ZFHX3: variants seen among roughly 807,000 people sequenced by gnomAD.
The protein encoded by ZFHX3 is zinc finger homeobox 3.
ZFHX3 carries 42 observed loss-of-function variants against 279.1 expected under a neutral mutation model. The observed-to-expected ratio is 0.15, with a 90% CI of 0.12 to 0.19. ZFHX3 has a LOEUF of 0.19. ZFHX3 is among the 10% of genes least tolerant of loss of function. The pLI is 1.00. For missense variants in ZFHX3, 4,981 were observed against 4,754.0 expected, an observed-to-expected ratio of 1.05 and a Z score of -1.40; for synonymous variants, 2,293 against 1,957.8, an observed-to-expected ratio of 1.17 and a Z score of -4.52.
At chr16:73,032,697 A>AT (rs1964750383) in intron 1 of ZFHX3, among the ~76,000 whole-genome samples, 1 of 151,618 alleles carries the variant, frequency 6.6e-6, no homozygotes, top group South Asian at 2.1e-4. Context: ...AAAAAAAAAA[A>AT]GTAGAGACAT....
At chr16:73,499,698 A>G (rs183139003) in intron 2 of ZFHX3, 13 of 152,340 alleles carry the variant, frequency 8.5e-5, no homozygotes, top group Admixed American at 2.0e-4. Context: ...ATATGTAAAC[A>G]GGAAAAATAT....
intron 1 of ZFHX3, among the ~76,000 whole-genome samples, chr16:73,758,235 T>A (rs1316658005): frequency 4.0e-5 from 1 of 24,748 alleles, no homozygotes; most frequent in Non-Finnish European, 1.7e-4. Flanking sequence ...TTACTAGAAA[T>A]TCATTCATTC....
intron 2 of ZFHX3, among the ~76,000 whole-genome samples, chr16:73,507,263 C>T (rs2019342848): frequency 6.6e-6 from 1 of 152,118 alleles, no homozygotes; most frequent in Non-Finnish European, 1.5e-5. Flanking sequence ...TAATATAGAA[C>T]ATCCGGAATA....
intron 5 of ZFHX3, among the ~76,000 whole-genome samples, chr16:72,821,457 C>T (rs529898038): frequency 6.6e-6 from 1 of 152,226 alleles, no homozygotes; most frequent in African/African-American, 2.4e-5. Context: ...ATTCAGCTCA[C>T]TCACAGCGCT....
At chr16:72,946,078 C>T (rs73592706) in intron 3 of ZFHX3, among the ~76,000 whole-genome samples, 3,879 of 152,290 alleles carry the variant, frequency 0.025, 75 homozygotes, top group Middle Eastern at 0.082. Context: ...AGGGAAAGAA[C>T]TGAAAAGATG....
At chr16:73,779,812 G>C (rs926914480) in intron 1 of ZFHX3, among the ~76,000 whole-genome samples, 1 of 152,062 alleles carries the variant, frequency 6.6e-6, no homozygotes, top group African/African-American at 2.4e-5. Context: ...CCAACTCCCA[G>C]GATTTAGCAA....
Position 72,797,468 on chromosome 16 carries a change from T to TTGTTGTTGTTGTTGTTGTTGC in ZFHX3, c.5193_5213dup (p.Gln1735_Gln1741dup), listed in dbSNP as rs777340901. On this transcript the variant is annotated inframe_insertion, in exon 9 of 10. Transcript: ENST00000268489. The stretch of plus-strand genomic sequence containing the variant: ...GGGCCAGCGTTTGTGCTTGTTGTTG[T>TTGTTGTTGTTGTTGTTGTTGC]TGTTGTTGTTGTTGTTGTTGCTGTT... 5 of 1,608,486 alleles carry TTGTTGTTGTTGTTGTTGTTGC rather than the reference T, an allele frequency of 3.1e-6. No individual in the cohort carries two copies. The South Asian group carries it at 5.5e-5, about 18-fold the overall frequency.
intron 1 of ZFHX3, among the ~76,000 whole-genome samples, chr16:73,022,736 G>C (rs954872588): frequency 6.6e-6 from 1 of 152,114 alleles, no homozygotes; most frequent in Non-Finnish European, 1.5e-5. Flanking sequence ...TGGGAAACAG[G>C]ACGTGGTAGG....
intron 1 of ZFHX3, among the ~76,000 whole-genome samples, chr16:73,039,766 G>A (rs1318694023): frequency 1.3e-5 from 2 of 151,892 alleles, no homozygotes; most frequent in Non-Finnish European, 2.9e-5. Context: ...AACTCCTGAG[G>A]TCAGGCAATC....
At chr16:72,801,116 T>C (rs2036086926) in intron 7 of ZFHX3, among the ~76,000 whole-genome samples, 2 of 152,036 alleles carry the variant, frequency 1.3e-5, no homozygotes, top group Non-Finnish European at 2.9e-5. Context: ...TGATATGGGG[T>C]GGGAAGGGTA....
In ZFHX3 at chr16:72,950,850, G is replaced by C. The variant is rs770586404; in HGVS notation, c.2835C>G (p.Phe945Leu). Residue 945 changes from phenylalanine to leucine, a missense_variant, in exon 3 of 10, where the codon TTC (phenylalanine) becomes TTG (leucine). Phe to Leu is a conservative substitution (Grantham distance 22). This residue lies in a region of ZFHX3 where 1,751 missense variants were observed against 1,770.0 expected (regional missense o/e 0.99). Coordinates refer to ENST00000268489, the MANE Select transcript of ZFHX3 (RefSeq NM_006885.4). ...TGAACTTGTTGCAGACGGCGCACTG[G>C]AAGAGCTTCAGCGACGGGTCGTTGG... is the stretch of plus-strand genomic sequence containing the variant. ...IQTNDPSLKLFQCAVCNKFTT... is the reference protein window; with the variant it reads ...IQTNDPSLKLLQCAVCNKFTT... 3 of 1,614,162 alleles carry C rather than the reference G, an allele frequency of 1.9e-6. No individual in the cohort carries two copies. The highest frequency in any genetic ancestry group is 2.5e-6 in the Non-Finnish European group (3 of 1,180,050).
chr16:73,335,055 A>T (rs16971724), intron 3 of ZFHX3, among the ~76,000 whole-genome samples: 2,732 of 152,076 alleles, frequency 0.018, 104 homozygotes, highest in African/African-American at 0.062. Context: ...TAGGTGACCA[A>T]ACACAGTTTT....
At chr16:72,977,595 GA>G (rs55963116) in intron 1 of ZFHX3, among the ~76,000 whole-genome samples, 37 of 151,498 alleles carry the variant, frequency 2.4e-4, no homozygotes, top group South Asian at 1.7e-3. Context: ...TCAGTGGGGG[GA>G]AAAAAATCAC....
At chr16:73,429,018 G>C in intron 3 of ZFHX3, among the ~76,000 whole-genome samples, 2 of 152,130 alleles carry the variant, frequency 1.3e-5, no homozygotes, top group East Asian at 3.9e-4. Flanking sequence ...CACTGGCCTG[G>C]TTTACACAAC....
intron 2 of ZFHX3, among the ~76,000 whole-genome samples, chr16:73,678,175 A>C (rs1198027087): frequency 6.6e-6 from 1 of 152,164 alleles, no homozygotes; most frequent in Non-Finnish European, 1.5e-5. Context: ...TCAGAAAAAA[A>C]CTAAATGTTC....
chr16:73,119,162 G>A lies in ZFHX3; in HGVS notation c.-897+11806C>T, dbSNP rs1966465912. 3.9e-5 allele frequency among the ~76,000 whole-genome samples: 6 copies of A among 151,956 alleles called. No individual in the cohort carries two copies. In the South Asian group the frequency reaches 1.2e-3, roughly 32 times the overall value. On this transcript the variant is annotated intron_variant, in intron 7 of 17. Transcript: ENST00000641206. ...TTTGTGGCCCAGGCTGCAGTGCAGT[G>A]GTGCGATCATGGCTCACTGCAGCCT...
intron 5 of ZFHX3, among the ~76,000 whole-genome samples, chr16:73,156,713 G>C (rs1967093133): frequency 7.3e-6 from 1 of 136,780 alleles, no homozygotes; most frequent in African/African-American, 2.8e-5. Context: ...ACATCACCAT[G>C]TCTGGCTAAT....
chr16:73,474,996 G>A (rs935003416), intron 2 of ZFHX3, among the ~76,000 whole-genome samples: 2 of 152,038 alleles, frequency 1.3e-5, no homozygotes, highest in African/African-American at 2.4e-5. Flanking sequence ...GAGGTCACTG[G>A]GCCATTTTCA....
At chr16:72,868,847 A>T (rs2038085596) in intron 4 of ZFHX3, among the ~76,000 whole-genome samples, 1 of 99,886 alleles carries the variant, frequency 1.0e-5, no homozygotes, top group South Asian at 2.7e-4. Flanking sequence ...ACCCTATTGT[A>T]CATACAGCCT....
Sources: gnomAD v4.1 joint callset for allele counts (sites outside exome capture counted in the v4.1 genomes callset) on GRCh38, gnomAD v4.1.1 for gene constraint, gnomAD v4.1.1 regional missense constraint, MANE v1.5 for transcripts, NCBI Gene and HGNC (gene_info 2026-07-23, HGNC 2026-07-21) for gene names.